The following CSGALNACT1 variants were observed in gnomAD, a reference collection of about 807,000 sequenced individuals.
CSGALNACT1 encodes beta4GalNAcT-1.
A neutral mutation model predicts 51.0 loss-of-function variants in CSGALNACT1; 52 were observed. That is an observed-to-expected ratio of 1.02 (90% confidence interval 0.82 to 1.29). The LOEUF (loss-of-function observed/expected upper bound fraction) is 1.29, where lower values mean the gene tolerates loss of function less well. Ranked by LOEUF, CSGALNACT1 falls within the 50% of genes most tolerant of loss-of-function variation. The probability of loss-of-function intolerance (pLI) is 0.00; values close to 1 mark genes in which losing one functional copy is unlikely to be tolerated. For synonymous variants in CSGALNACT1, 341 were observed against 254.4 expected, an observed-to-expected ratio of 1.34 and a Z score of -3.24; for missense variants, 935 against 679.2, an observed-to-expected ratio of 1.38 and a Z score of -4.19.
chr8:19,511,938 A>G (rs2078544532), intron 3 of CSGALNACT1, among the ~76,000 whole-genome samples: 1 of 151,880 alleles, frequency 6.6e-6, no homozygotes, highest in Non-Finnish European at 1.5e-5. Flanking sequence ...TCTTGCGAAA[A>G]CTCACTCACT....
chr8:19,477,311 G>GA (rs1310011143), intron 4 of CSGALNACT1, among the ~76,000 whole-genome samples: 3 of 152,144 alleles, frequency 2.0e-5, no homozygotes, highest in African/African-American at 7.2e-5. Context: ...ATTTTCCTCA[G>GA]AAAAAAGTTC....
chr8:19,554,055 TGAA>T (rs1441435551), intron 3 of CSGALNACT1, among the ~76,000 whole-genome samples: 1 of 150,724 alleles, frequency 6.6e-6, no homozygotes, highest in Non-Finnish European at 1.5e-5. Context: ...CCAGAAAAAG[TGAA>T]GAAGAAAAAT....
intron 1 of CSGALNACT1, among the ~76,000 whole-genome samples, chr8:19,717,896 T>C (rs190028057): frequency 6.6e-6 from 1 of 152,170 alleles, no homozygotes; most frequent in Admixed American, 6.5e-5. Flanking sequence ...ATTGCTAACC[T>C]AGTCTAGGCT....
chr8:19,464,641 G>A (rs2066274086), intron 4 of CSGALNACT1, among the ~76,000 whole-genome samples: 1 of 152,120 alleles, frequency 6.6e-6, no homozygotes, highest in African/African-American at 2.4e-5. Context: ...CCTGAGCTCT[G>A]CCTGCTGTCA....
chr8:19,636,293 G>A (rs1195515673), intron 1 of CSGALNACT1, among the ~76,000 whole-genome samples: 1 of 152,066 alleles, frequency 6.6e-6, no homozygotes, highest in African/African-American at 2.4e-5. Flanking sequence ...CTCTAACTGT[G>A]CCTGATAAAC....
intron 2 of CSGALNACT1, among the ~76,000 whole-genome samples, chr8:19,594,092 T>C (rs192304316): frequency 2.4e-4 from 36 of 152,262 alleles, no homozygotes; most frequent in Admixed American, 2.3e-3. Flanking sequence ...GGGTACATAT[T>C]TGACGTCAGC....
chr8:19,474,869 G>A (rs868784534), intron 4 of CSGALNACT1, among the ~76,000 whole-genome samples: 494 of 85,988 alleles, frequency 5.7e-3, no homozygotes, highest in African/African-American at 7.7e-3. Context: ...CTCTGTCTCA[G>A]AAAAAAAAAA....
intron 3 of CSGALNACT1, among the ~76,000 whole-genome samples, chr8:19,575,945 G>T (rs2044108704): frequency 6.6e-6 from 1 of 151,964 alleles, no homozygotes; most frequent in Admixed American, 6.5e-5. Flanking sequence ...TTTAAAAAAG[G>T]TACACATTTC....
At chr8:19,604,840 G>A (rs1038651935), upstream of CSGALNACT1, among the ~76,000 whole-genome samples, 9 of 150,892 alleles carry the variant, frequency 6.0e-5, no homozygotes, top group East Asian at 1.2e-3. Flanking sequence ...GCATGAACCC[G>A]GGAGGCGGAG....
intron 1 of CSGALNACT1, among the ~76,000 whole-genome samples, chr8:19,728,692 C>T (rs371277517): frequency 7.9e-5 from 12 of 152,086 alleles, no homozygotes; most frequent in East Asian, 3.9e-4. Flanking sequence ...TGCAGAGGCA[C>T]GCTGCCTCTG....
rs1385288967 is a variant in CSGALNACT1, at chr8:19,450,644, C to T, written c.851+7782G>A. On this transcript the variant is annotated intron_variant, in intron 5 of 9. Transcript: ENST00000454498. ...AGGTACAGTAGCTCACGCCTGTAAT[C>T]CCAACACTTTGGGAGGCTGAGGCAG... Among the ~76,000 whole-genome samples, 15 of 152,282 alleles carry T rather than the reference C, an allele frequency of 9.9e-5. No individual in the cohort carries two copies. In the East Asian group the frequency reaches 2.7e-3, roughly 27 times the overall value.
intron 4 of CSGALNACT1, among the ~76,000 whole-genome samples, chr8:19,470,019 T>C (rs2067748078): frequency 6.6e-6 from 1 of 152,174 alleles, no homozygotes; most frequent in South Asian, 2.1e-4. Context: ...TGACAGAATG[T>C]TTTTTAAAAA....
At chr8:19,553,660 T>G in intron 3 of CSGALNACT1, among the ~76,000 whole-genome samples, 1 of 142,208 alleles carries the variant, frequency 7.0e-6, no homozygotes, top group Non-Finnish European at 1.5e-5. Flanking sequence ...TCAGCCTTTC[T>G]ATTACTTCTT....
chr8:19,416,003 G>A (rs1585478756), intron 8 of CSGALNACT1, among the ~76,000 whole-genome samples: 1 of 151,984 alleles, frequency 6.6e-6, no homozygotes, highest in African/African-American at 2.4e-5. Context: ...TTTCTTGTAA[G>A]TGTAACTCAT....
upstream of CSGALNACT1, among the ~76,000 whole-genome samples, chr8:19,683,443 A>G (rs2060777077): frequency 6.6e-6 from 1 of 152,240 alleles, no homozygotes; most frequent in African/African-American, 2.4e-5. Flanking sequence ...AATTACTAAG[A>G]GTTTGGTAAG....
intron 3 of CSGALNACT1, among the ~76,000 whole-genome samples, chr8:19,555,112 G>T (rs189288742): frequency 6.6e-6 from 1 of 151,702 alleles, no homozygotes; most frequent in Non-Finnish European, 1.5e-5. Context: ...GGTGCTGAGC[G>T]CCTGTAGTTC....
At chr8:19,414,341 TC>T (rs34930363) in intron 8 of CSGALNACT1, among the ~76,000 whole-genome samples, 12,653 of 152,168 alleles carry the variant, frequency 0.083, 576 homozygotes, top group South Asian at 0.18. Flanking sequence ...GGTAGGAGGC[TC>T]CTGCAGTGAC....
intron 3 of CSGALNACT1, among the ~76,000 whole-genome samples, chr8:19,520,496 A>G (rs1587743306): frequency 6.6e-6 from 1 of 152,246 alleles, no homozygotes; most frequent in Non-Finnish European, 1.5e-5. Context: ...TCTTGTAGTC[A>G]GCAATCTCTA....
At chr8:19,565,080 G>A (rs745560185) in intron 3 of CSGALNACT1, among the ~76,000 whole-genome samples, 8 of 152,190 alleles carry the variant, frequency 5.3e-5, no homozygotes, top group African/African-American at 1.9e-4. Flanking sequence ...GCCGAAGTTT[G>A]AAGGTTACAA....
Sources: gnomAD v4.1 joint callset for allele counts (sites outside exome capture counted in the v4.1 genomes callset) on GRCh38, gnomAD v4.1.1 for gene constraint, MANE v1.5 for transcripts, NCBI Gene and HGNC (gene_info 2026-07-23, HGNC 2026-07-21) for gene names.